Variants in LITAF observed in about 807,000 individuals in gnomAD.
LITAF encodes the protein lipopolysaccharide induced TNF factor.
In LITAF, 9 loss-of-function variants were observed where a neutral mutation model predicts 14.5. The ratio of observed to expected loss-of-function variants is 0.62; its 90% confidence interval spans 0.37 to 1.08. The LOEUF is 1.08. Ranked by LOEUF, LITAF falls within the 50% of genes least tolerant of loss-of-function variation. The pLI is 0.01. For missense variants in LITAF, 206 were observed against 213.4 expected, an observed-to-expected ratio of 0.97 and a Z score of 0.22; for synonymous variants, 98 against 88.2, an observed-to-expected ratio of 1.11 and a Z score of -0.62.
chr16:11,584,844 G>C (rs2141838401), intron 1 of LITAF, among the ~76,000 whole-genome samples: 1 of 152,240 alleles, frequency 6.6e-6, no homozygotes, highest in East Asian at 1.9e-4. Context: ...CCCATAAAAG[G>C]AACGGAAGTA....
At chr16:11,635,074 T>C (rs958348882) in intron 2 of LITAF, among the ~76,000 whole-genome samples, 3 of 59,240 alleles carry the variant, frequency 5.1e-5, no homozygotes, top group African/African-American at 3.7e-4. Context: ...TAAAATAAAA[T>C]AAAATAAAAT....
At chr16:11,585,666 G>A (rs1567254102) in intron 1 of LITAF, among the ~76,000 whole-genome samples, 1 of 152,158 alleles carries the variant, frequency 6.6e-6, no homozygotes, top group Non-Finnish European at 1.5e-5. Context: ...GGGTGAGAGG[G>A]CAGATGAAGC....
At chr16:11,584,707 C>A (rs1334394185) in intron 1 of LITAF, among the ~76,000 whole-genome samples, 1 of 152,172 alleles carries the variant, frequency 6.6e-6, no homozygotes, top group African/African-American at 2.4e-5. Context: ...AGGGCATTAG[C>A]AAGCACCAGC....
intron 2 of LITAF, among the ~76,000 whole-genome samples, chr16:11,556,077 G>C (rs2064262997): frequency 6.6e-6 from 1 of 152,340 alleles, no homozygotes; most frequent in Non-Finnish European, 1.5e-5. Flanking sequence ...AGAGCAACTT[G>C]CATTGAGGGT....
At chr16:11,562,606 G>A (rs1368003321) in intron 1 of LITAF, among the ~76,000 whole-genome samples, 2 of 152,108 alleles carry the variant, frequency 1.3e-5, no homozygotes, top group African/African-American at 4.8e-5. Flanking sequence ...CTCAACGAAA[G>A]GTATTCTTGC....
chr16:11,556,529 T>A lies in LITAF; in HGVS notation c.202A>T (p.Ile68Phe). The A allele has an allele frequency of 6.2e-7, 1 of 1,613,954 alleles. No individual in the cohort carries two copies. Among genetic ancestry groups the A allele is most frequent in the Non-Finnish European group, 8.5e-7 (1 of 1,179,838 alleles). Residue 68 changes from isoleucine to phenylalanine, a missense_variant, in exon 2 of 4, where the codon ATC becomes TTC. Coordinates refer to ENST00000622633, the MANE Select transcript of LITAF (RefSeq NM_001136472.2). Reference protein sequence around the residue: ...PPSYYTQPAPIPNNNPITVQT... With the variant: ...PPSYYTQPAPFPNNNPITVQT... ...CACGTACTTGGATTGTTATTGGGGA[T>A]GGGCGCTGGCTGGGTATAATACGAA... is the stretch of plus-strand genomic sequence containing the variant.
At position 11,553,967 on chromosome 16, in the gene LITAF, A is replaced by T. The variant is rs563773818; in HGVS notation, c.221-278T>A. Among the ~76,000 whole-genome samples, 65 of 152,310 alleles carry T rather than the reference A, an allele frequency of 4.3e-4. No individual in the cohort carries two copies. The highest frequency in any genetic ancestry group is 1.5e-3 in the African/African-American group (61 of 41,584). On this transcript the variant is annotated intron_variant, in intron 2 of 3. Transcript: ENST00000622633. This position sits in a 1 kb window ranked among gnomAD's most constrained non-coding sequence, Gnocchi z 7.7. ...AAAGGAGGACCGGGCGCGGTAGCTCATGCCTGTAATCCCAACACTTTGGGA... is the reference window on the plus strand; with the variant it reads ...AAAGGAGGACCGGGCGCGGTAGCTCTTGCCTGTAATCCCAACACTTTGGGA...
chr16:11,609,002 A>C (rs1322729014), intron 3 of LITAF, among the ~76,000 whole-genome samples: 1 of 151,786 alleles, frequency 6.6e-6, no homozygotes, highest in Non-Finnish European at 1.5e-5. Context: ...CACCGAGTAT[A>C]CAGTTCCATT....
At position 11,556,542 on chromosome 16, in the gene LITAF, G is replaced by T. The variant is rs761302725; in HGVS notation, c.189C>A (p.Thr63=). 1 of 1,614,128 alleles carries T rather than the reference G, an allele frequency of 6.2e-7. No individual in the cohort carries two copies. Among genetic ancestry groups the T allele is most frequent in the South Asian group, 1.1e-5 (1 of 91,082 alleles). Residue 63 remains threonine (T), a synonymous_variant, in exon 2 of 4, where the codon ACC becomes ACA. Coordinates refer to ENST00000622633, the MANE Select transcript of LITAF (RefSeq NM_001136472.2). ...GKGMNPPSYY[T]QPAPIPNNNP... Reference sequence around the variant, plus strand: ...TGTTATTGGGGATGGGCGCTGGCTGGGTATAATACGAAGGAGGATTCATGC... The same window carrying T: ...TGTTATTGGGGATGGGCGCTGGCTGTGTATAATACGAAGGAGGATTCATGC...
chr16:11,620,580 T>G (rs1183233485), intron 3 of LITAF, among the ~76,000 whole-genome samples: 2 of 152,144 alleles, frequency 1.3e-5, no homozygotes, highest in Non-Finnish European at 2.9e-5. Context: ...CAAGAATGCC[T>G]AAAACAGCCT....
At chr16:11,602,869 G>C (rs750812492), upstream of LITAF, among the ~76,000 whole-genome samples, 23 of 151,936 alleles carry the variant, frequency 1.5e-4, no homozygotes, top group Non-Finnish European at 3.4e-4. Context: ...TCAGAGCTTT[G>C]AGAGGCCGAG....
At chr16:11,559,492 T>G (rs970830027) in intron 1 of LITAF, among the ~76,000 whole-genome samples, 2 of 152,194 alleles carry the variant, frequency 1.3e-5, no homozygotes, top group African/African-American at 2.4e-5. Context: ...TAGATCAAAA[T>G]GTTTTTTGAT....
chr16:11,638,028 ATATC>A (rs2065148129), upstream of LITAF, among the ~76,000 whole-genome samples: 17 of 98,124 alleles, frequency 1.7e-4, no homozygotes, highest in African/African-American at 8.2e-4. Flanking sequence ...ATATATCTAT[ATATC>A]TATATATATC....
At chr16:11,610,150 TG>T (rs559426569) in intron 3 of LITAF, among the ~76,000 whole-genome samples, 2 of 152,092 alleles carry the variant, frequency 1.3e-5, no homozygotes, top group Non-Finnish European at 2.9e-5. Flanking sequence ...GACTGGGTGG[TG>T]GGGGGACCCC....
intron 2 of LITAF, among the ~76,000 whole-genome samples, chr16:11,555,607 C>A (rs1047049620): frequency 1.3e-5 from 2 of 150,552 alleles, no homozygotes; most frequent in African/African-American, 4.9e-5. Context: ...TATAGCGAGC[C>A]ATGACTGCAC....
chr16:11,580,253 C>T (rs2064711543), intron 1 of LITAF, among the ~76,000 whole-genome samples: 1 of 151,970 alleles, frequency 6.6e-6, no homozygotes, highest in Non-Finnish European at 1.5e-5. Flanking sequence ...CCCTCATCAA[C>T]CAGTGAAGTT....
intron 3 of LITAF, among the ~76,000 whole-genome samples, chr16:11,625,918 C>T (rs1264749309): frequency 1.3e-5 from 2 of 152,018 alleles, no homozygotes; most frequent in Non-Finnish European, 2.9e-5. Flanking sequence ...AACCTCATGA[C>T]CCCAGTGCCC....
At chr16:11,550,696 A>G (rs545625636) in intron 3 of LITAF, among the ~76,000 whole-genome samples, 1 of 151,686 alleles carries the variant, frequency 6.6e-6, no homozygotes, top group South Asian at 2.1e-4. Flanking sequence ...GGGTCTTGCT[A>G]TGTTGCACAG....
chr16:11,571,706 G>C (rs2064543572), intron 1 of LITAF, among the ~76,000 whole-genome samples: 2 of 152,318 alleles, frequency 1.3e-5, no homozygotes, highest in South Asian at 4.1e-4. Context: ...CTCTAGGTGG[G>C]AGTGGGCCCT....
Sources: allele counts gnomAD v4.1 joint callset (sites outside exome capture counted in the v4.1 genomes callset), GRCh38; gene constraint gnomAD v4.1.1; non-coding constraint Gnocchi (gnomAD v3.1); transcripts MANE v1.5; gene names NCBI Gene and HGNC (gene_info 2026-07-23, HGNC 2026-07-21).